The following SMG6 variants were observed in gnomAD, a reference collection of about 807,000 sequenced individuals.
The protein encoded by SMG6 is telomerase-binding protein EST1A.
Under a neutral mutation model 142.2 loss-of-function variants are expected in SMG6, and 66 were observed. That is an observed-to-expected ratio of 0.46 (90% confidence interval 0.38 to 0.57). The LOEUF is 0.57. SMG6 is among the 20% of genes least tolerant of loss of function. The pLI is 0.00. For missense variants in SMG6, 1,793 were observed against 1,832.0 expected (o/e 0.98, Z 0.39); for synonymous variants, 779 against 702.4 (o/e 1.11, Z -1.72).
At position 2,297,990 on chromosome 17, in the gene SMG6, T is replaced by C; in HGVS notation, c.1913A>G (p.Asn638Ser). 1 of 1,613,374 alleles carries C rather than the reference T, an allele frequency of 6.2e-7. No individual in the cohort carries two copies. Among genetic ancestry groups the C allele is most frequent in the Non-Finnish European group, 8.5e-7 (1 of 1,179,996 alleles). ...LLDIEFSDNQNVDQILWKNAF... is the reference protein window; with the variant it reads ...LLDIEFSDNQSVDQILWKNAF... ...ATTCTTCCACAGGATCTGATCCACA[T>C]TCTGATTATCAGAGAACTCAATATC... Residue 638 changes from asparagine (N) to serine (S), a missense_variant, in exon 3 of 19, where the codon AAT (asparagine) becomes AGT (serine). Physicochemically the swap from Asn to Ser is conservative, Grantham distance 46 (BLOSUM62 1). Transcript: ENST00000263073.
At chr17:2,199,417 G>C (rs2072441876) in intron 10 of SMG6, among the ~76,000 whole-genome samples, 1 of 151,952 alleles carries the variant, frequency 6.6e-6, no homozygotes, top group Non-Finnish European at 1.5e-5. Context: ...AGCATCACTT[G>C]AGCCCAGGAA....
At chr17:2,280,899 G>C (rs1289091519) in intron 8 of SMG6, among the ~76,000 whole-genome samples, 1 of 152,100 alleles carries the variant, frequency 6.6e-6, no homozygotes, top group Non-Finnish European at 1.5e-5. Flanking sequence ...GCGCAACAGG[G>C]CAAGTCTCCA....
intron 4 of SMG6, among the ~76,000 whole-genome samples, chr17:2,295,655 C>G (rs994797761): frequency 1.3e-5 from 2 of 152,004 alleles, no homozygotes; most frequent in Non-Finnish European, 1.5e-5. Context: ...TTCTGGCCAG[C>G]CTTCCCAGTA....
chr17:2,292,123 A>G (rs2075051333), intron 6 of SMG6, among the ~76,000 whole-genome samples: 2 of 152,178 alleles, frequency 1.3e-5, no homozygotes, highest in Non-Finnish European at 2.9e-5. Context: ...AAAAGAAGTA[A>G]CAGGGTCTAG....
At chr17:2,274,397 A>G (rs1375120112) in intron 8 of SMG6, among the ~76,000 whole-genome samples, 2 of 152,228 alleles carry the variant, frequency 1.3e-5, no homozygotes, top group Non-Finnish European at 2.9e-5. Flanking sequence ...GGGCAACTGC[A>G]TTAAATTCTC....
chr17:2,155,901 GTTAT>G (rs969365456), intron 13 of SMG6, among the ~76,000 whole-genome samples: 14 of 152,142 alleles, frequency 9.2e-5, no homozygotes, highest in Non-Finnish European at 1.6e-4. Flanking sequence ...TGAATGTATT[GTTAT>G]CAGGGGAAGA....
chr17:2,281,323 C>T (rs1465135240), intron 8 of SMG6, among the ~76,000 whole-genome samples: 4 of 152,044 alleles, frequency 2.6e-5, no homozygotes, highest in Non-Finnish European at 5.9e-5. Context: ...AGACAGAAGC[C>T]TCGTTTTGTT....
chr17:2,265,708 A>T (rs1288292705), intron 8 of SMG6, among the ~76,000 whole-genome samples: 1 of 152,210 alleles, frequency 6.6e-6, no homozygotes, highest in Non-Finnish European at 1.5e-5. Context: ...CTCTTTTTAA[A>T]CAACTCCTGA....
At chr17:2,253,847 G>C (rs2074104038) in intron 8 of SMG6, among the ~76,000 whole-genome samples, 1 of 152,196 alleles carries the variant, frequency 6.6e-6, no homozygotes, top group Non-Finnish European at 1.5e-5. Flanking sequence ...AAAGGCTACA[G>C]AGAAATATAA....
At chr17:2,285,247 C>G (rs1488774693) in intron 6 of SMG6, among the ~76,000 whole-genome samples, 2 of 151,920 alleles carry the variant, frequency 1.3e-5, no homozygotes, top group Non-Finnish European at 2.9e-5. Flanking sequence ...CAATAAATAC[C>G]TGAGATTCAC....
chr17:2,091,070 GTTT>G (rs1024701410), intron 13 of SMG6, among the ~76,000 whole-genome samples: 2 of 152,226 alleles, frequency 1.3e-5, no homozygotes, highest in Non-Finnish European at 2.9e-5. Flanking sequence ...AGACTAATGT[GTTT>G]TCACAAACTG....
chr17:2,067,027 A>T (rs1387865928), intron 16 of SMG6, among the ~76,000 whole-genome samples: 1 of 152,192 alleles, frequency 6.6e-6, no homozygotes, highest in Non-Finnish European at 1.5e-5. Context: ...CAAGGAAAGC[A>T]TCAGTAAACA....
chr17:2,235,796 T>C (rs1196062772), intron 10 of SMG6: 1 of 152,640 alleles, frequency 6.6e-6, no homozygotes, highest in East Asian at 1.9e-4. Flanking sequence ...GGAATCCTGG[T>C]AACATCCTTT....
intron 13 of SMG6, among the ~76,000 whole-genome samples, chr17:2,121,194 T>C (rs1218826008): frequency 4.6e-5 from 7 of 152,192 alleles, no homozygotes; most frequent in African/African-American, 1.7e-4. Context: ...CAAAAACAGA[T>C]TTGTGTACAA....
chr17:2,248,972 C>A (rs538275167), intron 8 of SMG6, among the ~76,000 whole-genome samples: 1 of 151,380 alleles, frequency 6.6e-6, no homozygotes, highest in Non-Finnish European at 1.5e-5. Flanking sequence ...CTGCAAGCTC[C>A]GCCTCCCGGG....
chr17:2,269,368 G>A (rs1215139591), intron 8 of SMG6, among the ~76,000 whole-genome samples: 1 of 150,290 alleles, frequency 6.7e-6, no homozygotes, highest in East Asian at 1.9e-4. Flanking sequence ...TCCAGCCCAG[G>A]GTGACAGCAT....
At chr17:2,273,396 C>T (rs1018582242) in intron 8 of SMG6, among the ~76,000 whole-genome samples, 1 of 152,144 alleles carries the variant, frequency 6.6e-6, no homozygotes, top group Non-Finnish European at 1.5e-5. Context: ...GACAGTGGCT[C>T]ACGCCTGTAA....
At chr17:2,291,240 AG>A (rs1386562010) in intron 6 of SMG6, among the ~76,000 whole-genome samples, 2 of 152,028 alleles carry the variant, frequency 1.3e-5, no homozygotes, top group Non-Finnish European at 2.9e-5. Context: ...CTGAGGCAGG[AG>A]AATGGCGTGA....
At chr17:2,211,987 C>T (rs1395303199) in intron 10 of SMG6, among the ~76,000 whole-genome samples, 1 of 152,202 alleles carries the variant, frequency 6.6e-6, no homozygotes, top group East Asian at 1.9e-4. Flanking sequence ...CCTGCTGGAG[C>T]TCCAGAAGTC....
Sources: allele counts gnomAD v4.1 joint callset (sites outside exome capture counted in the v4.1 genomes callset), GRCh38; gene constraint gnomAD v4.1.1; transcripts MANE v1.5; gene names NCBI Gene and HGNC (gene_info 2026-07-23, HGNC 2026-07-21).